Variants in RAB44 observed in about 807,000 individuals in gnomAD.
RAB44 encodes the protein RAB44, member RAS oncogene family, also known as ras-related protein Rab-44.
RAB44 carries 67 observed loss-of-function variants against 93.3 expected under a neutral mutation model. The ratio of observed to expected loss-of-function variants is 0.72; its 90% confidence interval spans 0.59 to 0.88. RAB44 has a LOEUF of 0.88. RAB44 is among the 40% of genes least tolerant of loss of function. The pLI is 0.00. For missense variants in RAB44, 1,064 were observed against 1,261.7 expected (o/e 0.84, Z 2.37); for synonymous variants, 427 against 520.3 (o/e 0.82, Z 2.44).
In RAB44 at chr6:36,717,530, A is replaced by G; in HGVS notation, c.641+111A>G. Reference sequence around the variant, plus strand: ...TCCTGCAGCTGGGCCTGTGAGCTGGATAGGGCAGAGCTGCGCTGGAGGAAG... The same window carrying G: ...TCCTGCAGCTGGGCCTGTGAGCTGGGTAGGGCAGAGCTGCGCTGGAGGAAG... On this transcript the variant is annotated intron_variant, in intron 5 of 13. Coordinates refer to ENST00000612677, the MANE Select transcript of RAB44 (RefSeq NM_001257357.2). The surrounding 1 kb of genome is among the most constrained non-coding windows in gnomAD (Gnocchi z 4.1). 8.6e-7 allele frequency: 1 copy of G among 1,157,430 alleles called. No homozygotes were observed. The highest frequency in any genetic ancestry group is 1.1e-6 in the Non-Finnish European group (1 of 921,194). 71.7% of individuals were successfully genotyped at this position (1,157,430 alleles called of 1,614,324 possible).
Position 36,727,690 on chromosome 6 carries a change from A to C in RAB44, c.2795A>C (p.Gln932Pro). The change falls in exon 11 of 14, where the codon CAG (glutamine) becomes CCG (proline). Residue 932 changes from glutamine to proline, a missense_variant and splice_region_variant. Coordinates refer to ENST00000612677, the MANE Select transcript of RAB44 (RefSeq NM_001257357.2). The stretch of plus-strand genomic sequence containing the variant: ...GTGCGCTACTGGCTAGACTGTCTCC[A>C]GGTGAGCAGATGGCTGCTGGGGTTG... ...AHVRYWLDCLQDAGSDGVVIL... is the reference protein window; with the variant it reads ...AHVRYWLDCLPDAGSDGVVIL... The C allele has an allele frequency of 6.5e-7, 1 of 1,547,882 alleles. No homozygotes were observed. Among genetic ancestry groups the C allele is most frequent in the Non-Finnish European group, 8.7e-7 (1 of 1,144,546 alleles).
chr6:36,723,692 G>A (rs753606439), intron 9 of RAB44, among the ~76,000 whole-genome samples: 5 of 151,836 alleles, frequency 3.3e-5, no homozygotes, highest in Non-Finnish European at 7.4e-5. Context: ...AAAATTAGCC[G>A]GGCATGGTGG....
Position 36,713,790 on chromosome 6 carries a change from C to G in RAB44, c.208-38C>G, listed in dbSNP as rs538629366. On this transcript the variant is annotated intron_variant, in intron 2 of 13. Coordinates refer to ENST00000612677, the MANE Select transcript of RAB44 (RefSeq NM_001257357.2). The stretch of plus-strand genomic sequence containing the variant: ...CGTTTTGGAGGGTGAGAGCCTTCCC[C>G]GGTGGGAACACCTGCCCAACTTGCC... 308 of 1,321,808 alleles carry G rather than the reference C, an allele frequency of 2.3e-4. No homozygotes were observed. In the African/African-American group the frequency reaches 4.1e-3, roughly 17 times the overall value. 81.9% of individuals were successfully genotyped at this position (1,321,808 alleles called of 1,614,324 possible). A position where few individuals can be genotyped will look rare whatever the true frequency, so the allele number is the denominator to read the frequency against.
At chr6:36,716,082 T>A (rs1284207830) in intron 4 of RAB44, among the ~76,000 whole-genome samples, 1 of 152,200 alleles carries the variant, frequency 6.6e-6, no homozygotes, top group Non-Finnish European at 1.5e-5. Flanking sequence ...TTTCAGGCAT[T>A]TTGTGCCCTG....
intron 1 of RAB44, among the ~76,000 whole-genome samples, chr6:36,699,887 G>A (rs748809641): frequency 1.3e-4 from 20 of 152,160 alleles, no homozygotes; most frequent in African/African-American, 3.9e-4. Context: ...GATACCAAGC[G>A]CACTCCTAAG....
intron 6 of RAB44, among the ~76,000 whole-genome samples, 159 bp from the exon 7 acceptor site, chr6:36,718,334 A>G (rs75956863): frequency 0.012 from 1,762 of 152,246 alleles, 29 homozygotes; most frequent in African/African-American, 0.04. Flanking sequence ...TGTTGCCACA[A>G]TCTAGGCTGG....
At position 36,717,322 on chromosome 6, in the gene RAB44, C is replaced by CAGCTGGCAGGCA; in HGVS notation, c.546_557dup (p.Gly185_Asn186insLysLeuAlaGly). The CAGCTGGCAGGCA allele has an allele frequency of 8.1e-7, 1 of 1,232,190 alleles. No homozygotes were observed. Among genetic ancestry groups the CAGCTGGCAGGCA allele is most frequent in the Non-Finnish European group, 1.0e-6 (1 of 988,000 alleles). 76.3% of individuals were successfully genotyped at this position (1,232,190 alleles called of 1,614,324 possible). On this transcript the variant is annotated inframe_insertion, in exon 5 of 14. Coordinates refer to ENST00000612677, the MANE Select transcript of RAB44 (RefSeq NM_001257357.2). The surrounding 1 kb of genome is among the most constrained non-coding windows in gnomAD (Gnocchi z 4.1). ...GGGGCAGCTGCGGCAGGAGGAGCCCCAGCTGGCAGGCAACCTGGCAGGCTT... is the reference window on the plus strand; with the variant it reads ...GGGGCAGCTGCGGCAGGAGGAGCCCCAGCTGGCAGGCAAGCTGGCAGGCAACCTGGCAGGCTT...
intron 2 of RAB44, among the ~76,000 whole-genome samples, chr6:36,712,958 C>CA (rs1762823948): frequency 6.6e-6 from 1 of 152,180 alleles, no homozygotes; most frequent in African/African-American, 2.4e-5. Flanking sequence ...TCAGCAAACT[C>CA]AAAGTTCTAT....
At position 36,710,546 on chromosome 6, in the gene RAB44, AC is replaced by A. The variant is rs1312332416; in HGVS notation, c.208-3281del. 2.2e-5 allele frequency among the ~76,000 whole-genome samples: 3 copies of A among 139,406 alleles called. No individual in the cohort carries two copies. In the South Asian group the frequency reaches 6.6e-4, roughly 31 times the overall value. 91.5% of individuals were successfully genotyped at this position (139,406 alleles called of 152,430 possible). A position where few individuals can be genotyped will look rare whatever the true frequency, so the allele number is the denominator to read the frequency against. The stretch of plus-strand genomic sequence containing the variant: ...GGTCTTTGCCGCTTTCTTTTGTACA[AC>A]TTTTTTTTTTTTTTAATTGAGATGG... On this transcript the variant is annotated intron_variant, in intron 2 of 13. Transcript: ENST00000612677.
intron 2 of RAB44, among the ~76,000 whole-genome samples, chr6:36,705,620 T>A (rs1211422484): frequency 6.6e-6 from 1 of 152,096 alleles, no homozygotes; most frequent in Admixed American, 6.5e-5. Context: ...TGACTTCAGG[T>A]GATCCACCTG....
chr6:36,725,268 C>T (rs1021478349), intron 9 of RAB44, among the ~76,000 whole-genome samples: 3 of 152,220 alleles, frequency 2.0e-5, no homozygotes, highest in African/African-American at 4.8e-5. Flanking sequence ...CTCCGCCTCC[C>T]GGGTTCAAGT....
intron 2 of RAB44, among the ~76,000 whole-genome samples, chr6:36,713,172 T>C (rs1049580074): frequency 3.9e-5 from 6 of 152,206 alleles, no homozygotes; most frequent in Non-Finnish European, 5.9e-5. Context: ...TGAACTCTTA[T>C]AGGAGATTTA....
In RAB44 at chr6:36,720,470, G is replaced by A. The variant is rs1763044854; in HGVS notation, c.936G>A (p.Val312=). 2 of 1,233,082 alleles carry A rather than the reference G, an allele frequency of 1.6e-6. No individual in the cohort carries two copies. The highest frequency in any genetic ancestry group is 2.0e-6 in the Non-Finnish European group (2 of 988,420). 76.4% of individuals were successfully genotyped at this position (1,233,082 alleles called of 1,614,324 possible). Residue 312 remains valine (V), a synonymous_variant, in exon 8 of 14, where the codon GTG becomes GTA. Coordinates refer to ENST00000612677, the MANE Select transcript of RAB44 (RefSeq NM_001257357.2). ...ACCTGGCTGGGCGGCTGGAGGAGGTGCGGGGGCAGCTGCAGGTGACCAGGG... is the reference window on the plus strand; with the variant it reads ...ACCTGGCTGGGCGGCTGGAGGAGGTACGGGGGCAGCTGCAGGTGACCAGGG... ...KRDLAGRLEE[V]RGQLQVTRGR...
chr6:36,703,420 CT>C (rs1762560042), intron 1 of RAB44, among the ~76,000 whole-genome samples: 1 of 152,142 alleles, frequency 6.6e-6, no homozygotes, highest in Non-Finnish European at 1.5e-5. Flanking sequence ...GGGAAGGCTT[CT>C]TGGAGGAGGC....
Position 36,700,960 on chromosome 6 carries a change from T to G in RAB44, c.-13+3045T>G, listed in dbSNP as rs535764541. 4.1e-4 allele frequency among the ~76,000 whole-genome samples: 63 copies of G among 152,338 alleles called. 1 individual carries two copies. The South Asian group carries it at 0.013, about 31-fold the overall frequency. On this transcript the variant is annotated intron_variant, in intron 1 of 13. Transcript: ENST00000612677. ...CTCTAGGCCCAAGAAGGGGTATCTA[T>G]GTGGTCACTGTTTCCATGGAGCAAC...
intron 9 of RAB44, 52 bp from the exon 10 acceptor site, chr6:36,725,810 A>T (rs1406885808): frequency 2.3e-6 from 3 of 1,323,324 alleles, no homozygotes; most frequent in Non-Finnish European, 3.2e-6. Context: ...GGCCTTGGCT[A>T]GGAGTCCTGG....
Position 36,731,169 on chromosome 6 carries a change from A to T in RAB44, c.2975+420A>T, listed in dbSNP as rs942503033. Among the ~76,000 whole-genome samples, 3 of 145,592 alleles carry T rather than the reference A, an allele frequency of 2.1e-5. No homozygotes were observed. The highest frequency in any genetic ancestry group is 1.5e-5 in the Non-Finnish European group (1 of 65,144). On this transcript the variant is annotated intron_variant, in intron 13 of 13. Transcript: ENST00000612677. The surrounding 1 kb of genome is among the most constrained non-coding windows in gnomAD (Gnocchi z 4.0). ...CACACACACATTCACTCACACCCAC[A>T]CACACTCACACTCTTACACACACTC...
chr6:36,701,767 A>G (rs989854996), intron 1 of RAB44, among the ~76,000 whole-genome samples: 1 of 152,024 alleles, frequency 6.6e-6, no homozygotes, highest in African/African-American at 2.4e-5. Context: ...TCACACCTCT[A>G]CCTGCAGGGC....
chr6:36,713,995 T>C, intron 3 of RAB44, 56 bp downstream of exon 3: 1 of 1,120,548 alleles, frequency 8.9e-7, no homozygotes, highest in African/African-American at 1.5e-5. Flanking sequence ...CAGTGTGCCC[T>C]GCATGGGGCT....
Sources: gnomAD v4.1 joint callset for allele counts (sites outside exome capture counted in the v4.1 genomes callset) on GRCh38, gnomAD v4.1.1 for gene constraint, Gnocchi (gnomAD v3.1) non-coding constraint, MANE v1.5 for transcripts, NCBI Gene and HGNC (gene_info 2026-07-23, HGNC 2026-07-21) for gene names.